CNTNAP2: variants seen among roughly 807,000 people sequenced by gnomAD.
CNTNAP2 encodes the protein contactin associated protein 2.
CNTNAP2 carries 98 observed loss-of-function variants against 155.2 expected under a neutral mutation model. The observed-to-expected ratio is 0.63, with a 90% CI of 0.54 to 0.75. The LOEUF is 0.75. CNTNAP2 is among the 30% of genes least tolerant of loss of function. The probability of loss-of-function intolerance (pLI) is 0.00; values close to 1 mark genes in which losing one functional copy is unlikely to be tolerated. For missense variants in CNTNAP2, 1,727 were observed against 1,688.1 expected, an observed-to-expected ratio of 1.02 and a Z score of -0.40; for synonymous variants, 651 against 631.2, an observed-to-expected ratio of 1.03 and a Z score of -0.47.
Position 146,777,206 on chromosome 7 carries a change from C to A in CNTNAP2, c.208+2825C>A, listed in dbSNP as rs575210874. 3.3e-5 allele frequency among the ~76,000 whole-genome samples: 5 copies of A among 152,276 alleles called. No individual in the cohort carries two copies. In the South Asian group the frequency reaches 1.0e-3, roughly 32 times the overall value. ...TGTTGTCTGTCCTATAGATATAGATCTACACTTCATTGTAGCCCATTTTAT... is the reference window on the plus strand; with the variant it reads ...TGTTGTCTGTCCTATAGATATAGATATACACTTCATTGTAGCCCATTTTAT... On this transcript the variant is annotated intron_variant, in intron 2 of 23. Coordinates refer to ENST00000361727, the MANE Select transcript of CNTNAP2 (RefSeq NM_014141.6).
At chr7:147,603,802 T>C (rs369954598) in intron 12 of CNTNAP2, among the ~76,000 whole-genome samples, 22 of 152,108 alleles carry the variant, frequency 1.4e-4, no homozygotes, top group African/African-American at 3.4e-4. Context: ...GGAGGCATCA[T>C]GCTACCTGAC....
rs565475319 is a variant in CNTNAP2 at position 148,250,122 on chromosome 7, G to A, written c.3382-16911G>A. Among the ~76,000 whole-genome samples, 10 of 152,264 alleles carry A rather than the reference G, an allele frequency of 6.6e-5. 1 individual carries two copies. Among genetic ancestry groups the A allele is most frequent in the Admixed American group, 3.9e-4 (6 of 15,294 alleles). On this transcript the variant is annotated intron_variant, in intron 20 of 23. Coordinates refer to ENST00000361727, the MANE Select transcript of CNTNAP2 (RefSeq NM_014141.6). ...CTGGCTTCATGCCGGGAATTCTCCC[G>A]CCTTGGCTGCTCTCTCTGCCTGAGT... is the stretch of plus-strand genomic sequence containing the variant.
At chr7:147,231,877 G>A (rs1381254162) in intron 8 of CNTNAP2, among the ~76,000 whole-genome samples, 8 of 152,082 alleles carry the variant, frequency 5.3e-5, no homozygotes, top group African/African-American at 1.4e-4. Flanking sequence ...ATCATAGATT[G>A]CCTTTTTATT....
intron 3 of CNTNAP2, among the ~76,000 whole-genome samples, chr7:146,868,627 T>C (rs942645180): frequency 1.3e-5 from 2 of 152,188 alleles, no homozygotes; most frequent in African/African-American, 4.8e-5. Flanking sequence ...ATTAATGATA[T>C]TGATTCTTCC....
At chr7:146,727,453 G>C (rs141961279) in intron 1 of CNTNAP2, among the ~76,000 whole-genome samples, 1 of 152,280 alleles carries the variant, frequency 6.6e-6, no homozygotes, top group African/African-American at 2.4e-5. Context: ...AGGATACAGG[G>C]ATGAGGCCAT....
intron 8 of CNTNAP2, among the ~76,000 whole-genome samples, chr7:147,151,954 C>A (rs1478051311): frequency 1.3e-5 from 2 of 152,012 alleles, no homozygotes; most frequent in Non-Finnish European, 2.9e-5. Flanking sequence ...ATTGGATGTA[C>A]TTTTGCATCC....
At chr7:146,131,485 A>G (rs528387218) in intron 1 of CNTNAP2, among the ~76,000 whole-genome samples, 1 of 152,324 alleles carries the variant, frequency 6.6e-6, no homozygotes, top group East Asian at 1.9e-4. Context: ...TTTAAAATGT[A>G]TCTTTCATTC....
intron 1 of CNTNAP2, among the ~76,000 whole-genome samples, chr7:146,590,157 T>C (rs1313545295): frequency 6.6e-6 from 1 of 152,206 alleles, no homozygotes; most frequent in Non-Finnish European, 1.5e-5. Context: ...TTTTGTTTTG[T>C]TTCCAGAAGG....
At chr7:147,206,838 T>C (rs1803033244) in intron 8 of CNTNAP2, among the ~76,000 whole-genome samples, 1 of 152,150 alleles carries the variant, frequency 6.6e-6, no homozygotes, top group South Asian at 2.1e-4. Flanking sequence ...CTTCGGATTT[T>C]CTCAGAAGAC....
At chr7:146,885,499 G>C (rs185277668) in intron 3 of CNTNAP2, among the ~76,000 whole-genome samples, 1 of 152,190 alleles carries the variant, frequency 6.6e-6, no homozygotes, top group East Asian at 1.9e-4. Flanking sequence ...ATGCACACAC[G>C]TTGGCATTGT....
At chr7:146,532,654 A>T (rs1797786461) in intron 1 of CNTNAP2, among the ~76,000 whole-genome samples, 1 of 152,186 alleles carries the variant, frequency 6.6e-6, no homozygotes, top group Non-Finnish European at 1.5e-5. Flanking sequence ...ATATGGAAGT[A>T]ACTGCAAACA....
intron 1 of CNTNAP2, among the ~76,000 whole-genome samples, chr7:146,748,176 T>C (rs1016624049): frequency 4.2e-5 from 6 of 142,866 alleles, no homozygotes; most frequent in South Asian, 2.4e-4. Flanking sequence ...GAAGGCGTCT[T>C]GCTCTGTCAC....
intron 8 of CNTNAP2, among the ~76,000 whole-genome samples, chr7:147,262,458 C>G (rs1385790122): frequency 6.6e-6 from 1 of 152,000 alleles, no homozygotes; most frequent in Non-Finnish European, 1.5e-5. Flanking sequence ...CACTGGCATC[C>G]TTAAGAGGAG....
intron 8 of CNTNAP2, among the ~76,000 whole-genome samples, chr7:147,192,669 T>C (rs1157838024): frequency 1.3e-5 from 2 of 152,190 alleles, no homozygotes; most frequent in African/African-American, 4.8e-5. Context: ...CTACTTTCCT[T>C]CTTCCCTGAA....
intron 18 of CNTNAP2, among the ~76,000 whole-genome samples, chr7:148,208,717 TGAG>T (rs905166876): frequency 9.9e-5 from 15 of 152,224 alleles, no homozygotes; most frequent in African/African-American, 3.6e-4. Context: ...GAAGTGAAAA[TGAG>T]GAGATGAGAA....
chr7:148,251,297 C>G (rs1159168884), intron 20 of CNTNAP2, among the ~76,000 whole-genome samples: 5 of 152,156 alleles, frequency 3.3e-5, no homozygotes, highest in African/African-American at 7.2e-5. Flanking sequence ...TCAAGTTTTA[C>G]TATAAAGGAT....
chr7:146,493,139 T>C (rs567903522), intron 1 of CNTNAP2, among the ~76,000 whole-genome samples: 2 of 152,228 alleles, frequency 1.3e-5, no homozygotes, highest in Non-Finnish European at 2.9e-5. Context: ...GAGATCAGTA[T>C]TGAACATGAC....
chr7:147,709,937 G>T (rs1796378138), intron 13 of CNTNAP2, among the ~76,000 whole-genome samples: 1 of 151,798 alleles, frequency 6.6e-6, no homozygotes, highest in Non-Finnish European at 1.5e-5. Flanking sequence ...TTATGTTTAT[G>T]TGTCTTTGAA....
At chr7:147,740,227 A>G (rs537209083) in intron 13 of CNTNAP2, among the ~76,000 whole-genome samples, 39 of 152,042 alleles carry the variant, frequency 2.6e-4, no homozygotes, top group African/African-American at 7.5e-4. Flanking sequence ...AAGGATTTTC[A>G]AAACATTTTC....
Sources: allele counts gnomAD v4.1 joint callset (sites outside exome capture counted in the v4.1 genomes callset), GRCh38; gene constraint gnomAD v4.1.1; transcripts MANE v1.5; gene names NCBI Gene and HGNC (gene_info 2026-07-23, HGNC 2026-07-21).